Variants in METTL24 observed in about 807,000 individuals in gnomAD.
METTL24 encodes the protein methyltransferase like 24, also known as probable methyltransferase-like protein 24.
In METTL24, 29 loss-of-function variants were observed where a neutral mutation model predicts 32.7. That is an observed-to-expected ratio of 0.89 (90% CI 0.66 to 1.21). The LOEUF (loss-of-function observed/expected upper bound fraction) is 1.21. METTL24 is among the 50% of genes most tolerant of loss of function. The pLI is 0.00. For synonymous variants in METTL24, 163 were observed against 179.5 expected, an observed-to-expected ratio of 0.91 and a Z score of 0.73; for missense variants, 439 against 468.1, an observed-to-expected ratio of 0.94 and a Z score of 0.57.
At chr6:110,288,545 A>C (rs1485855038) in intron 4 of METTL24, among the ~76,000 whole-genome samples, 1 of 152,222 alleles carries the variant, frequency 6.6e-6, no homozygotes, top group Non-Finnish European at 1.5e-5. Flanking sequence ...CTAAGTAAGA[A>C]AGGTGACTCT....
chr6:110,345,819 A>T (rs1772461305), intron 1 of METTL24, among the ~76,000 whole-genome samples: 1 of 152,192 alleles, frequency 6.6e-6, no homozygotes, highest in South Asian at 2.1e-4. Flanking sequence ...CAGAAAAAAT[A>T]ACTATTCAGT....
At chr6:110,320,823 G>C (rs896826480) in intron 2 of METTL24, among the ~76,000 whole-genome samples, 1 of 152,092 alleles carries the variant, frequency 6.6e-6, no homozygotes, top group Middle Eastern at 3.2e-3. Flanking sequence ...ACAGAACTGA[G>C]GGGGACCTTA....
At chr6:110,322,989 A>G in intron 1 of METTL24, 117 bp from the exon 2 acceptor site, 1 of 659,954 alleles carries the variant, frequency 1.5e-6, no homozygotes, top group Non-Finnish European at 2.6e-6. Flanking sequence ...ACACACACAT[A>G]TGCACACAGG....
At chr6:110,310,186 A>G (rs576115985) in intron 3 of METTL24, among the ~76,000 whole-genome samples, 3 of 152,208 alleles carry the variant, frequency 2.0e-5, no homozygotes, top group African/African-American at 7.2e-5. Flanking sequence ...CTTGCTATCT[A>G]ACCATGTATC....
chr6:110,331,513 C>T (rs563185687), intron 1 of METTL24, among the ~76,000 whole-genome samples: 45 of 151,784 alleles, frequency 3.0e-4, no homozygotes, highest in African/African-American at 1.0e-3. Flanking sequence ...TAAAAATTAG[C>T]TAGGCATGGT....
chr6:110,276,940 C>T (rs1245717691), intron 4 of METTL24, among the ~76,000 whole-genome samples: 2 of 152,056 alleles, frequency 1.3e-5, no homozygotes, highest in Non-Finnish European at 2.9e-5. Context: ...AATGACAATC[C>T]TGGGGGAACC....
Position 110,332,510 on chromosome 6 carries a change from T to C in METTL24, c.319-9638A>G, listed in dbSNP as rs1043047870. 3 of 982,830 alleles carry C rather than the reference T, an allele frequency of 3.1e-6. No individual in the cohort carries two copies. The African/African-American group carries it at 5.3e-5, about 17-fold the overall frequency. 60.9% of individuals were successfully genotyped at this position (982,830 alleles called of 1,614,324 possible). ...AGGTGGAAACTACACAGTGTCTGCA[T>C]ACGTAGTAAAGTTTCAGATGTCAAA... On this transcript the variant is annotated intron_variant, in intron 1 of 4. Transcript: ENST00000338882.
chr6:110,269,208 A>G (rs939810125), intron 4 of METTL24, among the ~76,000 whole-genome samples: 2 of 152,196 alleles, frequency 1.3e-5, no homozygotes, highest in African/African-American at 4.8e-5. Context: ...CCCAGTCCCA[A>G]GAGGAAATGT....
chr6:110,254,384 C>G (rs1778342916), intron 4 of METTL24: 1 of 152,326 alleles, frequency 6.6e-6, no homozygotes, highest in Admixed American at 6.5e-5. Context: ...ATAATCCCAG[C>G]ACTTTGGGAG....
chr6:110,292,431 T>G (rs1026869865), intron 4 of METTL24, among the ~76,000 whole-genome samples: 3 of 152,192 alleles, frequency 2.0e-5, no homozygotes, highest in African/African-American at 7.2e-5. Context: ...AGTTTTAATA[T>G]TTTTTCATAT....
At chr6:110,305,352 C>A (rs147790689) in intron 3 of METTL24, among the ~76,000 whole-genome samples, 5,045 of 152,056 alleles carry the variant, frequency 0.033, 274 homozygotes, top group African/African-American at 0.12. Flanking sequence ...TAAAGAGCTT[C>A]TGCACAGCAA....
intron 4 of METTL24, among the ~76,000 whole-genome samples, chr6:110,285,775 T>C (rs542711228): frequency 6.5e-4 from 99 of 152,346 alleles, no homozygotes; most frequent in African/African-American, 2.4e-3. Context: ...GGTAACTACA[T>C]GGGCTTACAG....
chr6:110,331,355 A>G (rs1384394617), intron 1 of METTL24, among the ~76,000 whole-genome samples: 1 of 148,232 alleles, frequency 6.7e-6, no homozygotes, highest in Non-Finnish European at 1.5e-5. Flanking sequence ...TGCAGGAAAA[A>G]AAAAAATTAA....
At chr6:110,326,733 T>C (rs1306174506) in intron 1 of METTL24, among the ~76,000 whole-genome samples, 8 of 152,218 alleles carry the variant, frequency 5.3e-5, no homozygotes, top group Non-Finnish European at 1.2e-4. Flanking sequence ...GGGAACTATA[T>C]GGAGAAGTCT....
In METTL24 at chr6:110,304,553, T is replaced by C. The variant is rs188894609; in HGVS notation, c.558-5403A>G. On this transcript the variant is annotated intron_variant, in intron 3 of 4. Transcript: ENST00000338882. ...AATATCAATAGCTGAATCAATCAAG[T>C]GGAAGAAAGGATATCAGAGATTGAA... is the stretch of plus-strand genomic sequence containing the variant. 3.0e-3 allele frequency among the ~76,000 whole-genome samples: 457 copies of C among 152,078 alleles called. 2 individuals are homozygous for C. Among genetic ancestry groups the C allele is most frequent in the Non-Finnish European group, 5.3e-3 (363 of 67,998 alleles).
At chr6:110,349,076 C>G (rs1337375438) in intron 1 of METTL24, among the ~76,000 whole-genome samples, 2 of 152,188 alleles carry the variant, frequency 1.3e-5, no homozygotes, top group East Asian at 3.8e-4. Context: ...TTCAGTGAGG[C>G]ATCCCAAACA....
chr6:110,309,337 G>A (rs1771677610), intron 3 of METTL24, among the ~76,000 whole-genome samples: 1 of 151,998 alleles, frequency 6.6e-6, no homozygotes, highest in African/African-American at 2.4e-5. Context: ...TATTAGAGGG[G>A]GAGAAATAGG....
chr6:110,302,733 T>C (rs1771556354), intron 3 of METTL24, among the ~76,000 whole-genome samples: 1 of 151,924 alleles, frequency 6.6e-6, no homozygotes, highest in African/African-American at 2.4e-5. Flanking sequence ...ATTAGCCACA[T>C]ACAATTCTGT....
chr6:110,322,207 A>G (rs1771940950), intron 2 of METTL24, among the ~76,000 whole-genome samples: 1 of 152,176 alleles, frequency 6.6e-6, no homozygotes, highest in African/African-American at 2.4e-5. Flanking sequence ...AGGAACTACC[A>G]CAATGTGTTA....
Sources: allele counts gnomAD v4.1 joint callset (sites outside exome capture counted in the v4.1 genomes callset), GRCh38; gene constraint gnomAD v4.1.1; transcripts MANE v1.5; gene names NCBI Gene and HGNC (gene_info 2026-07-23, HGNC 2026-07-21).